The following FMN2 variants were observed in gnomAD, a reference collection of about 807,000 sequenced individuals.
FMN2 encodes the protein formin-2.
In FMN2, 51 loss-of-function variants were observed where a neutral mutation model predicts 142.3. That is an observed-to-expected ratio of 0.36 (90% CI 0.29 to 0.45). FMN2 has a LOEUF of 0.45. Among genes scored for constraint, FMN2 ranks in the 20% least tolerant of loss-of-function variants. The pLI is 1.00. For synonymous variants in FMN2, 882 were observed against 869.8 expected (o/e 1.01, Z -0.25); for missense variants, 1,936 against 2,122.8 (o/e 0.91, Z 1.73).
intron 14 of FMN2, among the ~76,000 whole-genome samples, chr1:240,362,918 A>G (rs1270026112): frequency 6.6e-6 from 1 of 152,170 alleles, no homozygotes; most frequent in Non-Finnish European, 1.5e-5. Flanking sequence ...GCTTTTCCCA[A>G]ACATTTCTTC....
At chr1:240,145,049 A>C (rs1455063291) in intron 2 of FMN2, 24 of 1,397,728 alleles carry the variant, frequency 1.7e-5, no homozygotes, top group Non-Finnish European at 2.2e-5. Context: ...GTTCTCATAC[A>C]TTTCCTTCAG....
chr1:240,164,531 C>T (rs537956482), intron 2 of FMN2, among the ~76,000 whole-genome samples: 2 of 152,160 alleles, frequency 1.3e-5, no homozygotes, highest in South Asian at 4.1e-4. Context: ...TAGTGCAAGC[C>T]TGCTAGGTGA....
intron 7 of FMN2, among the ~76,000 whole-genome samples, chr1:240,265,232 A>C (rs1298328037): frequency 6.6e-6 from 1 of 152,198 alleles, no homozygotes; most frequent in East Asian, 1.9e-4. Context: ...CAAATTTTGC[A>C]GTTTGCATAT....
chr1:240,384,398 A>G (rs1025768817), intron 14 of FMN2, among the ~76,000 whole-genome samples: 1 of 152,172 alleles, frequency 6.6e-6, no homozygotes, highest in African/African-American at 2.4e-5. Flanking sequence ...TCACACCATG[A>G]GAGGCTGGTG....
chr1:240,466,500 C>A (rs1021435290), intron 16 of FMN2, among the ~76,000 whole-genome samples: 36 of 152,140 alleles, frequency 2.4e-4, no homozygotes, highest in African/African-American at 7.7e-4. Flanking sequence ...TTCATATGGT[C>A]ATTTTTGCCC....
At chr1:240,347,052 C>G (rs1211387680) in intron 13 of FMN2, among the ~76,000 whole-genome samples, 1 of 152,150 alleles carries the variant, frequency 6.6e-6, no homozygotes, top group African/African-American at 2.4e-5. Flanking sequence ...CTGTTGAGTA[C>G]TTAGAGAAAC....
At chr1:240,253,461 A>G (rs1179420298) in intron 6 of FMN2, among the ~76,000 whole-genome samples, 1 of 152,008 alleles carries the variant, frequency 6.6e-6, no homozygotes, top group Non-Finnish European at 1.5e-5. Context: ...TACGATATCT[A>G]TCTTTTTGAT....
At chr1:240,396,052 C>T (rs1673759587) in intron 15 of FMN2, among the ~76,000 whole-genome samples, 1 of 152,186 alleles carries the variant, frequency 6.6e-6, no homozygotes, top group Admixed American at 6.5e-5. Context: ...TAGTCATCAA[C>T]ATCAAAAAGA....
At position 240,308,112 on chromosome 1, in the gene FMN2, A is replaced by C. The variant is rs1670476099; in HGVS notation, c.4215+13229A>C. 2.6e-5 allele frequency among the ~76,000 whole-genome samples: 4 copies of C among 152,332 alleles called. No homozygotes were observed. In the South Asian group the frequency reaches 8.3e-4, roughly 32 times the overall value. ...CAATTTTAAATATGGTTGTTATTTG[A>C]AAGATGACATTTGAACTAGGAATTG... On this transcript the variant is annotated intron_variant, in intron 8 of 17. Transcript: ENST00000319653.
chr1:240,252,638 G>C lies in FMN2; in HGVS notation c.4066-5307G>C, dbSNP rs75236623. ...GAGAAATCAGCTGTTATTCTGACGGGGGGGGTGGTTCTCTTATAAGTGACT... is the reference window on the plus strand; with the variant it reads ...GAGAAATCAGCTGTTATTCTGACGGCGGGGGTGGTTCTCTTATAAGTGACT... On this transcript the variant is annotated intron_variant, in intron 6 of 17. Transcript: ENST00000319653. Among the ~76,000 whole-genome samples the C allele has an allele frequency of 9.4e-3, 1,423 of 151,502 alleles. 31 individuals are homozygous for C. Among genetic ancestry groups the C allele is most frequent in the African/African-American group, 0.033 (1,344 of 41,282 alleles).
At position 240,209,632 on chromosome 1, in the gene FMN2, C is replaced by T. The variant is rs566671801; in HGVS notation, c.3920+900C>T. On this transcript the variant is annotated intron_variant, in intron 5 of 17. Coordinates refer to ENST00000319653, the MANE Select transcript of FMN2 (RefSeq NM_020066.5). ...TAAAATGCACAGCCCTGTCCGGGTG[C>T]GGTGGCTCACGCCTGTCATCCCAGC... 1.1e-4 allele frequency among the ~76,000 whole-genome samples: 17 copies of T among 149,014 alleles called. No individual in the cohort carries two copies. The East Asian group carries it at 2.7e-3, about 24-fold the overall frequency.
chr1:240,469,217 G>A, intron 16 of FMN2, among the ~76,000 whole-genome samples: 1 of 152,152 alleles, frequency 6.6e-6, no homozygotes, highest in South Asian at 2.1e-4. Flanking sequence ...ACCTACACCA[G>A]ATTCTGCCAG....
At chr1:240,161,452 G>GA (rs1159837953) in intron 2 of FMN2, among the ~76,000 whole-genome samples, 1 of 151,740 alleles carries the variant, frequency 6.6e-6, no homozygotes, top group Non-Finnish European at 1.5e-5. Context: ...AGAATGGCGT[G>GA]AACCTGGGAG....
rs145013118 is a variant in FMN2, at chr1:240,360,259, T to A, written c.4858+4351T>A. ...CGATGACTCTAATGATAACCTCACCTTATACCTCGATGAGAAACAGTTACA... is the reference window on the plus strand; with the variant it reads ...CGATGACTCTAATGATAACCTCACCATATACCTCGATGAGAAACAGTTACA... On this transcript the variant is annotated intron_variant, in intron 14 of 17. Transcript: ENST00000319653. Among the ~76,000 whole-genome samples the A allele has an allele frequency of 5.4e-3, 820 of 152,304 alleles. 2 individuals are homozygous for A. The highest frequency in any genetic ancestry group is 0.023 in the South Asian group (112 of 4,820).
chr1:240,313,349 T>A (rs964461604), intron 8 of FMN2, among the ~76,000 whole-genome samples: 1 of 152,232 alleles, frequency 6.6e-6, no homozygotes, highest in Non-Finnish European at 1.5e-5. Context: ...ATACATAACT[T>A]AAGTCACCTA....
chr1:240,430,182 G>A (rs923882770), intron 15 of FMN2, among the ~76,000 whole-genome samples: 4 of 151,986 alleles, frequency 2.6e-5, no homozygotes, highest in Non-Finnish European at 4.4e-5. Context: ...CACTGCACCC[G>A]GCCTGAACAT....
intron 15 of FMN2, among the ~76,000 whole-genome samples, chr1:240,414,210 G>A (rs12075094): frequency 0.014 from 2,143 of 152,312 alleles, 54 homozygotes; most frequent in African/African-American, 0.05. Context: ...TGGATCGTCT[G>A]TGCCTTTTGT....
chr1:240,227,428 AT>A (rs112001118), intron 6 of FMN2, among the ~76,000 whole-genome samples: 46,693 of 151,330 alleles, frequency 0.31, 7,873 homozygotes, highest in African/African-American at 0.46. Context: ...CTCCAAACTC[AT>A]TTTTTTTTAG....
At chr1:240,154,870 TCCCTCCCCTC>T (rs1157863867) in intron 2 of FMN2, 1 of 90,928 alleles carries the variant, frequency 1.1e-5, no homozygotes, top group African/African-American at 3.8e-5. Flanking sequence ...CTTTCTTTCT[TCCCTCCCCTC>T]CCTTCCCCTC....
Sources: gnomAD v4.1 joint callset for allele counts (sites outside exome capture counted in the v4.1 genomes callset) on GRCh38, gnomAD v4.1.1 for gene constraint, MANE v1.5 for transcripts, NCBI Gene and HGNC (gene_info 2026-07-23, HGNC 2026-07-21) for gene names.